MORN2: variants seen among roughly 807,000 people sequenced by gnomAD.
MORN2 encodes MORN repeat containing 2.
MORN2 carries 15 observed loss-of-function variants against 13.4 expected under a neutral mutation model. The ratio of observed to expected loss-of-function variants is 1.12; its 90% CI spans 0.75 to 1.72. MORN2 has a LOEUF of 1.72. Ranked by LOEUF, MORN2 falls within the 40% of genes most tolerant of loss-of-function variation. MORN2 has a pLI of 0.00. For missense variants in MORN2, 168 were observed against 134.6 expected, an observed-to-expected ratio of 1.25 and a Z score of -1.23; for synonymous variants, 46 against 43.6, an observed-to-expected ratio of 1.06 and a Z score of -0.22.
At chr2:38,878,105 C>A (rs1257679951) in intron 1 of MORN2, among the ~76,000 whole-genome samples, 2 of 146,194 alleles carry the variant, frequency 1.4e-5, no homozygotes, top group Admixed American at 1.4e-4. Flanking sequence ...TACCAGCGTG[C>A]CTGCCAGTTT....
intron 4 of MORN2, among the ~76,000 whole-genome samples, chr2:38,882,019 C>T (rs1352201740): frequency 6.6e-6 from 1 of 152,146 alleles, no homozygotes; most frequent in Non-Finnish European, 1.5e-5. Flanking sequence ...TTGTTGGAGG[C>T]CAGGTGCGGT....
chr2:38,876,290 T>C, intron 1 of MORN2, 180 bp downstream of exon 1: 1 of 394,750 alleles, frequency 2.5e-6, no homozygotes, highest in Non-Finnish European at 4.5e-6. Flanking sequence ...GATTCTGTTG[T>C]TAATTCGCTG....
chr2:38,877,761 A>G (rs1665686028), intron 1 of MORN2, among the ~76,000 whole-genome samples: 1 of 151,484 alleles, frequency 6.6e-6, no homozygotes, highest in Admixed American at 6.6e-5. Context: ...GATTACAGGC[A>G]TGAGCCACCA....
intron 1 of MORN2, among the ~76,000 whole-genome samples, chr2:38,877,220 C>G (rs1306234710): frequency 1.3e-5 from 2 of 152,040 alleles, no homozygotes; most frequent in African/African-American, 2.4e-5. Flanking sequence ...GAGACGAGAT[C>G]AAGCCACTGC....
intron 2 of MORN2, 34 bp downstream of exon 2, chr2:38,880,263 G>C (rs1665745679): frequency 5.0e-6 from 2 of 399,118 alleles, no homozygotes; most frequent in African/African-American, 4.1e-5. Context: ...TTTCTGTATA[G>C]AAAATTAAAT....
Position 38,882,657 on chromosome 2 carries a change from G to A in MORN2, c.*142G>A, listed in dbSNP as rs1429542310. On this transcript the variant is annotated 3_prime_UTR_variant, in exon 5 of 5. Transcript: ENST00000644631. Reference sequence around the variant, plus strand: ...AACCATCACCTGCTTACACCTTTTTGAACTTTATATTCATTGTCTTACAAT... The same window carrying A: ...AACCATCACCTGCTTACACCTTTTTAAACTTTATATTCATTGTCTTACAAT... The A allele has an allele frequency of 3.9e-6, 2 of 518,210 alleles. No individual in the cohort carries two copies. The highest frequency in any genetic ancestry group is 6.9e-6 in the Non-Finnish European group (2 of 291,712). 32.1% of individuals were successfully genotyped at this position (518,210 alleles called of 1,614,324 possible).
chr2:38,882,344 G>A, intron 4 of MORN2, 69 bp from the exon 5 acceptor site: 1 of 943,598 alleles, frequency 1.1e-6, no homozygotes. Context: ...TATTATGCTA[G>A]AAAATCTTAT....
At chr2:38,877,292 T>A (rs977626230) in intron 1 of MORN2, among the ~76,000 whole-genome samples, 11 of 150,556 alleles carry the variant, frequency 7.3e-5, no homozygotes, top group African/African-American at 2.5e-4. Context: ...ATAAATAAAT[T>A]AAATTAAATT....
Position 38,880,639 on chromosome 2 carries a change from G to T in MORN2, c.149G>T (p.Arg50Ile), listed in dbSNP as rs1164743474. ...AGAACATCTTCTGGAATCTACGAGA[G>T]AAATGGAATAGGTATTCATACCACT... Residue 50 changes from arginine (R) to isoleucine (I), a missense_variant, in exon 3 of 5, where the codon AGA (arginine) becomes ATA (isoleucine). Arg to Ile is a moderately conservative substitution (Grantham distance 97, BLOSUM62 -3). Coordinates refer to ENST00000644631, the MANE Select transcript of MORN2 (RefSeq NM_001145450.3). 6.5e-7 allele frequency: 1 copy of T among 1,544,616 alleles called. No homozygotes were observed.
rs1460151398 is a variant in MORN2, at chr2:38,882,568, G to A, written c.*53G>A. The A allele has an allele frequency of 2.3e-6, 3 of 1,318,914 alleles. No homozygotes were observed. The African/African-American group carries it at 4.4e-5, about 19-fold the overall frequency. 81.7% of individuals were successfully genotyped at this position (1,318,914 alleles called of 1,614,324 possible). On this transcript the variant is annotated 3_prime_UTR_variant, in exon 5 of 5. Transcript: ENST00000644631. ...TAGTAATTGAAGCTTTTAGTTGTAA[G>A]GAAAGCAACTTAATCTGTTATTTGA...
Position 38,881,435 on chromosome 2 carries a change from C to A in MORN2, c.217-7C>A, listed in dbSNP as rs1481969025. 1.1e-5 allele frequency: 17 copies of A among 1,529,958 alleles called. No individual in the cohort carries two copies. Among genetic ancestry groups the A allele is most frequent in the Non-Finnish European group, 1.4e-5 (16 of 1,140,950 alleles). The allele number at this position is 1,529,958 out of a possible 1,614,324, so 94.8% of individuals were successfully genotyped here. A position where few individuals can be genotyped will look rare whatever the true frequency, so the allele number is the denominator to read the frequency against. Reference sequence around the variant, plus strand: ...GTTTCTAAGGTAATTTCCTTTGTTACAAACAGATGAATGGTTTTGGAAGAC... The same window carrying A: ...GTTTCTAAGGTAATTTCCTTTGTTAAAAACAGATGAATGGTTTTGGAAGAC... On this transcript the variant is annotated splice_polypyrimidine_tract_variant and splice_region_variant and intron_variant, in intron 3 of 4. Coordinates refer to ENST00000644631, the MANE Select transcript of MORN2 (RefSeq NM_001145450.3).
intron 1 of MORN2, among the ~76,000 whole-genome samples, chr2:38,879,798 G>A (rs1372939024): frequency 1.3e-5 from 2 of 152,136 alleles, no homozygotes; most frequent in African/African-American, 4.8e-5. Flanking sequence ...GGTAGATTTT[G>A]TGGTGTGTGA....
chr2:38,880,747 C>T (rs1308682446), intron 3 of MORN2, 41 bp downstream of exon 3: 1 of 1,544,472 alleles, frequency 6.5e-7, no homozygotes, highest in South Asian at 1.2e-5. Flanking sequence ...GATAAATAAC[C>T]CTGTAGGTTT....
In MORN2 at chr2:38,882,447, G is replaced by C. The variant is rs201288336; in HGVS notation, c.388G>C (p.Gly130Arg). The C allele has an allele frequency of 2.3e-5, 36 of 1,550,568 alleles. No homozygotes were observed. Among genetic ancestry groups the C allele is most frequent in the Non-Finnish European group, 3.1e-5 (35 of 1,146,418 alleles). ...TGAAGGGGAATATACTGATATCCAA[G>C]GACTAGAATGGAGTGGTAACTTTCA... The change falls in exon 5 of 5, where the codon GGA becomes CGA. Residue 130 changes from glycine to arginine, a missense_variant. Transcript: ENST00000644631.
At chr2:38,877,015 T>G (rs1449097809) in intron 1 of MORN2, among the ~76,000 whole-genome samples, 1 of 152,234 alleles carries the variant, frequency 6.6e-6, no homozygotes, top group African/African-American at 2.4e-5. Flanking sequence ...GAATAGCAGT[T>G]AACCAGGTAA....
At chr2:38,876,182 C>A (rs1383717412) in intron 1 of MORN2, 72 bp downstream of exon 1, 1 of 398,530 alleles carries the variant, frequency 2.5e-6, no homozygotes, top group Non-Finnish European at 4.4e-6. Context: ...GGAGTCAGAA[C>A]CTGCTTGGCT....
intron 1 of MORN2, among the ~76,000 whole-genome samples, chr2:38,878,029 C>A (rs756802210): frequency 6.6e-6 from 1 of 152,146 alleles, no homozygotes; most frequent in East Asian, 1.9e-4. Flanking sequence ...CTCCTAGGCT[C>A]AAGCAACCCA....
At chr2:38,880,124 C>G in intron 1 of MORN2, 55 bp from the exon 2 acceptor site, 2 of 396,766 alleles carry the variant, frequency 5.0e-6, no homozygotes, top group Non-Finnish European at 8.9e-6. Flanking sequence ...TGAAACCTTG[C>G]CTCTATCGAA....
rs1407070819 is a variant in MORN2, at chr2:38,880,184, G to T, written c.64G>T (p.Glu22Ter). 1 of 398,868 alleles carries T rather than the reference G, an allele frequency of 2.5e-6. No homozygotes were observed. The highest frequency in any genetic ancestry group is 4.4e-6 in the Non-Finnish European group (1 of 226,078). 24.7% of individuals were successfully genotyped at this position (398,868 alleles called of 1,614,324 possible). A position where few individuals can be genotyped will look rare whatever the true frequency, so the allele number is the denominator to read the frequency against. The change falls in exon 2 of 5, where the codon GAA (glutamate) becomes TAA (stop). Residue 22 changes from glutamate (E) to a stop codon, truncating the protein, a stop_gained. Transcript: ENST00000644631. LOFTEE classifies it high-confidence loss of function. ...TTTTAAATCTTTTAAAACAGCTTCAGAAGTGTATAAGATCAGCTTTATCTT... is the reference window on the plus strand; with the variant it reads ...TTTTAAATCTTTTAAAACAGCTTCATAAGTGTATAAGATCAGCTTTATCTT...
Sources: gnomAD v4.1 joint callset for allele counts (sites outside exome capture counted in the v4.1 genomes callset) on GRCh38, gnomAD v4.1.1 for gene constraint, MANE v1.5 for transcripts, NCBI Gene and HGNC (gene_info 2026-07-23, HGNC 2026-07-21) for gene names.